The following MMAA variants were observed in gnomAD, a reference collection of about 807,000 sequenced individuals.
MMAA encodes the protein metabolism of cobalamin associated A, also known as methylmalonic aciduria type A protein, mitochondrial.
Under a neutral mutation model 45.0 loss-of-function variants are expected in MMAA, and 41 were observed. That is an observed-to-expected ratio of 0.91 (90% CI 0.71 to 1.18). The LOEUF (loss-of-function observed/expected upper bound fraction) is 1.18, where lower values mean the gene tolerates loss of function less well. Among genes scored for constraint, MMAA ranks in the 50% most tolerant of loss-of-function variants. The pLI is 0.00. For synonymous variants in MMAA, 154 were observed against 178.2 expected, an observed-to-expected ratio of 0.86 and a Z score of 1.08; for missense variants, 460 against 495.7, an observed-to-expected ratio of 0.93 and a Z score of 0.68.
intron 1 of MMAA, chr4:145,625,115 GA>G: frequency 1.8e-6 from 2 of 1,096,768 alleles, no homozygotes; most frequent in Non-Finnish European, 2.8e-6. Context: ...TAGCCAATCT[GA>G]TAGGTTCATC....
At chr4:145,619,887 C>A (rs573866319) in intron 1 of MMAA, among the ~76,000 whole-genome samples, 2 of 152,146 alleles carry the variant, frequency 1.3e-5, no homozygotes, top group African/African-American at 4.8e-5. Context: ...CTAAAAGTTA[C>A]AAACAGTATC....
Position 145,654,162 on chromosome 4 carries a change from T to C in MMAA, c.969+19T>C, listed in dbSNP as rs757182784. 1 of 1,614,008 alleles carries C rather than the reference T, an allele frequency of 6.2e-7. No homozygotes were observed. Among genetic ancestry groups the C allele is most frequent in the Non-Finnish European group, 8.5e-7 (1 of 1,179,868 alleles). On this transcript the variant is annotated intron_variant, in intron 6 of 6. Transcript: ENST00000649156. ...ACCAAAGGTAAGCTTGCTTGCATTC[T>C]GTATCTTTCACTCTGAATGGATTGT...
At chr4:145,641,264 G>A (rs1043063798) in intron 2 of MMAA, among the ~76,000 whole-genome samples, 1 of 152,204 alleles carries the variant, frequency 6.6e-6, no homozygotes, top group Admixed American at 6.5e-5. Context: ...GTGAAAAAAT[G>A]TCTCAGAAAT....
chr4:145,624,862 C>T (rs751676939), intron 1 of MMAA: 12 of 1,611,644 alleles, frequency 7.4e-6, no homozygotes, highest in Non-Finnish European at 1.0e-5. Context: ...AGCCAATCCT[C>T]TGTAACCATG....
rs1432748872 is a variant in MMAA at position 145,659,359 on chromosome 4, C to T, written c.*3925C>T. ...AATGCTTTTGTTTTAGAGAAAATTT[C>T]ACTCTGTACTAGAAAATGTAGATGA... On this transcript the variant is annotated 3_prime_UTR_variant, in exon 7 of 7. Transcript: ENST00000649156. The T allele has an allele frequency of 6.6e-6, 1 of 152,120 alleles. No homozygotes were observed. Among genetic ancestry groups the T allele is most frequent in the Non-Finnish European group, 1.5e-5 (1 of 68,022 alleles). 9.4% of individuals were successfully genotyped at this position (152,120 alleles called of 1,614,324 possible).
chr4:145,623,350 A>G (rs181900993), intron 1 of MMAA, among the ~76,000 whole-genome samples: 1 of 152,362 alleles, frequency 6.6e-6, no homozygotes, highest in East Asian at 1.9e-4. Context: ...CTATTTGCTT[A>G]GTTGGTACTA....
chr4:145,626,081 G>A, intron 1 of MMAA: 6 of 794,974 alleles, frequency 7.5e-6, no homozygotes, highest in Non-Finnish European at 1.2e-5. Context: ...GGCAGTCGGA[G>A]GGGACCTTGG....
chr4:145,639,727 A>G lies in MMAA; in HGVS notation c.439+149A>G, dbSNP rs556985302. 5.6e-5 allele frequency: 80 copies of G among 1,426,444 alleles called. No individual in the cohort carries two copies. In the South Asian group the frequency reaches 1.2e-3, roughly 22 times the overall value. 88.4% of individuals were successfully genotyped at this position (1,426,444 alleles called of 1,614,324 possible). A position where few individuals can be genotyped will look rare whatever the true frequency, so the allele number is the denominator to read the frequency against. On this transcript the variant is annotated intron_variant, in intron 2 of 6. Transcript: ENST00000649156. ...TTTTAAATGAGTTTTCCTGGCAAAT[A>G]TTAGTTTTGTTAAGTTGAAAAAATT...
chr4:145,651,935 T>C (rs1301104704), intron 5 of MMAA, among the ~76,000 whole-genome samples: 2 of 152,178 alleles, frequency 1.3e-5, no homozygotes, highest in African/African-American at 4.8e-5. Flanking sequence ...AATCAAATGT[T>C]GTTGCTGATC....
chr4:145,649,613 C>G (rs1273912271), intron 4 of MMAA, among the ~76,000 whole-genome samples: 2 of 152,158 alleles, frequency 1.3e-5, no homozygotes, highest in East Asian at 3.8e-4. Context: ...ACTCATTCAT[C>G]ATATCTCGCT....
At chr4:145,633,974 C>T (rs973778578) in intron 1 of MMAA, among the ~76,000 whole-genome samples, 2 of 152,218 alleles carry the variant, frequency 1.3e-5, no homozygotes, top group Admixed American at 6.5e-5. Context: ...ACAAGCAACC[C>T]TGTGGTCACC....
intron 1 of MMAA, among the ~76,000 whole-genome samples, chr4:145,627,943 C>T (rs774725368): frequency 8.5e-5 from 13 of 152,148 alleles, no homozygotes; most frequent in South Asian, 6.2e-4. Context: ...TTGCTTATTT[C>T]ACCTTGCACA....
chr4:145,650,751 G>A, intron 4 of MMAA: 2 of 404,782 alleles, frequency 4.9e-6, no homozygotes, highest in Non-Finnish European at 9.1e-6. Context: ...TAGAGTCACA[G>A]TGTTCAAGCT....
chr4:145,650,851 G>C (rs1441950011), intron 4 of MMAA: 4 of 589,436 alleles, frequency 6.8e-6, no homozygotes, highest in Non-Finnish European at 1.2e-5. Flanking sequence ...CAAGAACGGA[G>C]CGGGAGAGCT....
intron 1 of MMAA, among the ~76,000 whole-genome samples, chr4:145,633,893 C>T (rs988879654): frequency 6.6e-6 from 1 of 152,208 alleles, no homozygotes; most frequent in South Asian, 2.1e-4. Context: ...GACTCTTGTT[C>T]TCTTCCCATA....
At chr4:145,623,750 G>A (rs180946159) in intron 1 of MMAA, among the ~76,000 whole-genome samples, 3 of 152,266 alleles carry the variant, frequency 2.0e-5, no homozygotes, top group Admixed American at 1.3e-4. Context: ...AAACGTTAGG[G>A]AAGTTTACTA....
intron 1 of MMAA, among the ~76,000 whole-genome samples, chr4:145,622,131 C>G (rs1022918448): frequency 6.6e-6 from 1 of 152,188 alleles, no homozygotes; most frequent in Admixed American, 6.5e-5. Flanking sequence ...CCACAATCCC[C>G]ATGTGTCATG....
intron 1 of MMAA, chr4:145,624,226 A>G (rs1734149502): frequency 1.2e-6 from 1 of 819,834 alleles, no homozygotes; most frequent in Non-Finnish European, 2.2e-6. Flanking sequence ...ACAGGCAAAG[A>G]GATCACAAAC....
chr4:145,646,383 C>T, intron 4 of MMAA: 1 of 511,726 alleles, frequency 2.0e-6, no homozygotes, highest in Non-Finnish European at 3.5e-6. Context: ...AACTGTTATA[C>T]AGGTGGTATA....
Sources: allele counts gnomAD v4.1 joint callset (sites outside exome capture counted in the v4.1 genomes callset), GRCh38; gene constraint gnomAD v4.1.1; transcripts MANE v1.5; gene names NCBI Gene and HGNC (gene_info 2026-07-23, HGNC 2026-07-21).